ARFGAP3: variants seen among roughly 807,000 people sequenced by gnomAD.
ARFGAP3 encodes the protein ARF GTPase activating protein 3, also known as ADP-ribosylation factor GTPase-activating protein 3.
A neutral mutation model predicts 75.0 loss-of-function variants in ARFGAP3; 72 were observed. The observed-to-expected ratio is 0.96, with a 90% confidence interval of 0.79 to 1.17. ARFGAP3 has a LOEUF of 1.17. Ranked by LOEUF, ARFGAP3 falls within the 50% of genes most tolerant of loss-of-function variation. The probability of loss-of-function intolerance (pLI) is 0.00; values close to 1 mark genes in which losing one functional copy is unlikely to be tolerated. For synonymous variants in ARFGAP3, 221 were observed against 217.9 expected, an observed-to-expected ratio of 1.01 and a Z score of -0.13; for missense variants, 620 against 626.6, an observed-to-expected ratio of 0.99 and a Z score of 0.11.
chr22:42,844,220 TGA>T (rs1214136936), intron 2 of ARFGAP3, among the ~76,000 whole-genome samples: 9 of 151,782 alleles, frequency 5.9e-5, no homozygotes, highest in Non-Finnish European at 1.2e-4. Flanking sequence ...TGTTGTTTTT[TGA>T]GTCAGGGTCT....
intron 2 of ARFGAP3, among the ~76,000 whole-genome samples, chr22:42,844,610 A>T (rs1237134021): frequency 6.6e-6 from 1 of 151,710 alleles, no homozygotes; most frequent in Non-Finnish European, 1.5e-5. Context: ...AAAAAAAATA[A>T]AAAACCCAAA....
chr22:42,824,946 G>A (rs1925974735), intron 7 of ARFGAP3, among the ~76,000 whole-genome samples: 1 of 152,172 alleles, frequency 6.6e-6, no homozygotes, highest in South Asian at 2.1e-4. Flanking sequence ...TGTGATATTT[G>A]GTTTTGTTTC....
intron 3 of ARFGAP3, among the ~76,000 whole-genome samples, chr22:42,836,436 G>A (rs1415167725): frequency 6.6e-6 from 1 of 152,094 alleles, no homozygotes; most frequent in Non-Finnish European, 1.5e-5. Context: ...ACTACACTTC[G>A]TCCACAATCA....
At position 42,818,176 on chromosome 22, in the gene ARFGAP3, A is replaced by T. The variant is rs183305135; in HGVS notation, c.813-319T>A. 4.9e-3 allele frequency among the ~76,000 whole-genome samples: 746 copies of T among 152,322 alleles called. 10 individuals carry two copies. Among genetic ancestry groups the T allele is most frequent in the Non-Finnish European group, 6.9e-3 (472 of 68,024 alleles). On this transcript the variant is annotated intron_variant, in intron 9 of 15. Transcript: ENST00000263245. Reference sequence around the variant, plus strand: ...TCCATATGGGATAGTGAAAAGCAAGATTTCTTACTTGGATTAATATTTTAT... The same window carrying T: ...TCCATATGGGATAGTGAAAAGCAAGTTTTCTTACTTGGATTAATATTTTAT...
chr22:42,848,779 C>T (rs959168809), intron 1 of ARFGAP3, among the ~76,000 whole-genome samples: 1 of 152,148 alleles, frequency 6.6e-6, no homozygotes, highest in Non-Finnish European at 1.5e-5. Context: ...CAAGATGGCC[C>T]CAGTGAAACC....
chr22:42,838,298 T>TA (rs1926625852), intron 3 of ARFGAP3, among the ~76,000 whole-genome samples: 2 of 148,156 alleles, frequency 1.3e-5, no homozygotes, highest in Non-Finnish European at 3.0e-5. Context: ...ATATTTTTTT[T>TA]TTCTTTTTTT....
intron 12 of ARFGAP3, 84 bp downstream of exon 12, chr22:42,810,729 G>T (rs927897088): frequency 8.1e-7 from 1 of 1,237,020 alleles, no homozygotes; most frequent in Non-Finnish European, 1.2e-6. Context: ...CCTTACAAGG[G>T]TTTTCATGTC....
rs917927608 is a variant in ARFGAP3, at chr22:42,842,298, C to T, written c.189-1282G>A. 3.6e-5 allele frequency among the ~76,000 whole-genome samples: 5 copies of T among 137,404 alleles called. No individual in the cohort carries two copies. The Admixed American group carries it at 4.1e-4, about 11-fold the overall frequency. The allele number at this position is 137,404 out of a possible 152,430, so 90.1% of individuals were successfully genotyped here. A position where few individuals can be genotyped will look rare whatever the true frequency, so the allele number is the denominator to read the frequency against. On this transcript the variant is annotated intron_variant, in intron 2 of 15. Coordinates refer to ENST00000263245, the MANE Select transcript of ARFGAP3 (RefSeq NM_014570.5). ...GTGATTACAGGCATGAGCCACCGTG[C>T]CTGGCCTTTTTTTTTTTTTTTTTTT... is the stretch of plus-strand genomic sequence containing the variant.
intron 9 of ARFGAP3, among the ~76,000 whole-genome samples, chr22:42,820,012 G>T (rs1925742923): frequency 6.6e-6 from 1 of 152,112 alleles, no homozygotes; most frequent in Admixed American, 6.5e-5. Context: ...AGTGAAGTCT[G>T]GTTGTTGCTT....
intron 2 of ARFGAP3, among the ~76,000 whole-genome samples, chr22:42,845,462 G>C (rs562073577): frequency 5.4e-5 from 8 of 149,496 alleles, no homozygotes; most frequent in African/African-American, 1.7e-4. Context: ...GGAGGCGGAA[G>C]TTGAGGTGAG....
intron 8 of ARFGAP3, 30 bp downstream of exon 8, chr22:42,823,626 A>G: frequency 2.7e-6 from 4 of 1,464,036 alleles, no homozygotes; most frequent in African/African-American, 1.5e-5. Flanking sequence ...TAACTACCAG[A>G]TTTTTATATA....
chr22:42,805,560 A>C (rs1925081672), intron 14 of ARFGAP3, among the ~76,000 whole-genome samples: 1 of 152,160 alleles, frequency 6.6e-6, no homozygotes, highest in Non-Finnish European at 1.5e-5. Flanking sequence ...ACAGGCCAGG[A>C]CACTGAAAGT....
At chr22:42,820,517 G>A (rs1569148520) in intron 9 of ARFGAP3, among the ~76,000 whole-genome samples, 1 of 152,180 alleles carries the variant, frequency 6.6e-6, no homozygotes, top group Non-Finnish European at 1.5e-5. Flanking sequence ...CCTACTATGT[G>A]CCAGGTACTG....
chr22:42,808,698 C>T (rs1318262500), intron 13 of ARFGAP3, 69 bp downstream of exon 13: 11 of 1,349,016 alleles, frequency 8.2e-6, no homozygotes, highest in South Asian at 6.9e-5. Flanking sequence ...ATCTCCTCCC[C>T]GACAATGCCC....
At chr22:42,837,675 C>CTTTTT (rs71186547) in intron 3 of ARFGAP3, among the ~76,000 whole-genome samples, 920 of 75,614 alleles carry the variant, frequency 0.012, 51 homozygotes, top group South Asian at 0.021. Flanking sequence ...AGGCATACTT[C>CTTTTT]TTTTTTTTTT....
chr22:42,846,504 T>C (rs553542759), intron 2 of ARFGAP3, among the ~76,000 whole-genome samples: 118 of 152,356 alleles, frequency 7.7e-4, no homozygotes, highest in African/African-American at 2.7e-3. Flanking sequence ...ATATGGGCTA[T>C]TGCCATAGAG....
chr22:42,840,695 T>C (rs1187574112), intron 3 of ARFGAP3, among the ~76,000 whole-genome samples: 1 of 151,970 alleles, frequency 6.6e-6, no homozygotes, highest in East Asian at 1.9e-4. Flanking sequence ...TCCCAAAGTG[T>C]TGGGATTACA....
intron 6 of ARFGAP3, among the ~76,000 whole-genome samples, chr22:42,827,811 C>T (rs964203626): frequency 1.3e-5 from 2 of 152,144 alleles, no homozygotes; most frequent in Non-Finnish European, 2.9e-5. Context: ...AAGCCTGGCA[C>T]AGTGGCTCAC....
chr22:42,802,238 C>T (rs987532017), intron 14 of ARFGAP3, among the ~76,000 whole-genome samples: 4 of 151,506 alleles, frequency 2.6e-5, no homozygotes, highest in Admixed American at 6.6e-5. Flanking sequence ...TATGGTGTGA[C>T]GTGGGAGGTG....
Sources: allele counts gnomAD v4.1 joint callset (sites outside exome capture counted in the v4.1 genomes callset), GRCh38; gene constraint gnomAD v4.1.1; transcripts MANE v1.5; gene names NCBI Gene and HGNC (gene_info 2026-07-23, HGNC 2026-07-21).